Variants in FLI1 observed in about 807,000 individuals in gnomAD.
FLI1 encodes the protein Fli-1 proto-oncogene, ETS transcription factor.
FLI1 carries 13 observed loss-of-function variants against 53.1 expected under a neutral mutation model. The observed-to-expected ratio is 0.24, with a 90% CI of 0.16 to 0.39. The LOEUF (loss-of-function observed/expected upper bound fraction) is 0.39. Among genes scored for constraint, FLI1 ranks in the 10% least tolerant of loss-of-function variants. The pLI is 1.00. For missense variants in FLI1, 424 were observed against 600.5 expected (o/e 0.71, Z 3.07); for synonymous variants, 244 against 236.7 (o/e 1.03, Z -0.28).
chr11:128,789,989 C>T (rs1009586822), intron 5 of FLI1, among the ~76,000 whole-genome samples: 12 of 151,502 alleles, frequency 7.9e-5, no homozygotes. Context: ...TATGTTCTTC[C>T]TTTATGATGA....
chr11:128,720,307 A>G (rs1939199637), intron 1 of FLI1, among the ~76,000 whole-genome samples: 1 of 152,182 alleles, frequency 6.6e-6, no homozygotes, highest in Non-Finnish European at 1.5e-5. Context: ...GCTCTGGAAT[A>G]GTATATATTA....
chr11:128,715,519 C>T (rs575107560), intron 1 of FLI1, among the ~76,000 whole-genome samples: 173 of 152,262 alleles, frequency 1.1e-3, no homozygotes, highest in Non-Finnish European at 2.0e-3. Context: ...CTACCAGGAC[C>T]GAGGCTATAT....
chr11:128,729,125 T>C (rs1158757275), intron 1 of FLI1, among the ~76,000 whole-genome samples: 3 of 152,152 alleles, frequency 2.0e-5, no homozygotes, highest in African/African-American at 7.2e-5. Flanking sequence ...TGCTTTGTAA[T>C]CGGATGTGTA....
In FLI1 at chr11:128,758,298, C is replaced by G; in HGVS notation, c.202C>G (p.Arg68Gly). Residue 68 changes from arginine (R) to glycine (G), a missense_variant, in exon 2 of 9, where the codon CGG becomes GGG. Coordinates refer to ENST00000527786, the MANE Select transcript of FLI1 (RefSeq NM_002017.5). The part of the protein sequence containing the change: ...INQPVRVNVK[R>G]EYDHMNGSRE... The stretch of plus-strand genomic sequence containing the variant: ...TCAGCCAGTGAGGGTCAACGTCAAG[C>G]GGGAGTATGACCACATGAATGGATC... 6.2e-7 allele frequency: 1 copy of G among 1,613,410 alleles called. No individual in the cohort carries two copies. Among genetic ancestry groups the G allele is most frequent in the South Asian group, 1.1e-5 (1 of 90,914 alleles).
chr11:128,770,701 TA>T (rs1286138616), intron 3 of FLI1, among the ~76,000 whole-genome samples: 3 of 152,206 alleles, frequency 2.0e-5, no homozygotes, highest in Admixed American at 1.3e-4. Flanking sequence ...CCTTGGATAC[TA>T]AAAGTGAGGA....
In FLI1 at chr11:128,768,234, A is replaced by G; in HGVS notation, c.347A>G (p.Asn116Ser). 1 of 1,613,970 alleles carries G rather than the reference A, an allele frequency of 6.2e-7. No individual in the cohort carries two copies. The highest frequency in any genetic ancestry group is 8.5e-7 in the Non-Finnish European group (1 of 1,179,884). ...MDEKNGPPPP[N>S]MTTNERRVIV... ...GAGAAGAATGGCCCCCCTCCTCCCA[A>G]CATGACCACCAACGAGAGGAGAGTC... The change falls in exon 3 of 9, where the codon AAC becomes AGC. Residue 116 changes from asparagine (N) to serine (S), a missense_variant. Asn to Ser is a conservative substitution (Grantham distance 46). This residue lies in a region of FLI1 where 137 missense variants were observed against 169.1 expected (regional missense o/e 0.81). Coordinates refer to ENST00000527786, the MANE Select transcript of FLI1 (RefSeq NM_002017.5).
At chr11:128,688,546 T>C (rs1251206256) in intron 1 of FLI1, among the ~76,000 whole-genome samples, 1 of 152,096 alleles carries the variant, frequency 6.6e-6, no homozygotes, top group Non-Finnish European at 1.5e-5. Flanking sequence ...GCTCAGGAGT[T>C]GTTGACAAAC....
Position 128,812,337 on chromosome 11 carries a change from A to G in FLI1, c.*1349A>G, listed in dbSNP as rs1285322379. 1.4e-5 allele frequency: 3 copies of G among 219,876 alleles called. No homozygotes were observed. Among genetic ancestry groups the G allele is most frequent in the East Asian group, 6.7e-5 (1 of 14,956 alleles). 13.6% of individuals were successfully genotyped at this position (219,876 alleles called of 1,614,324 possible). A position where few individuals can be genotyped will look rare whatever the true frequency, so the allele number is the denominator to read the frequency against. Reference sequence around the variant, plus strand: ...CAGGTAATTGTTGACTTTTTTAACTATATTAAGTGTTAAGCTGACAACTGT... The same window carrying G: ...CAGGTAATTGTTGACTTTTTTAACTGTATTAAGTGTTAAGCTGACAACTGT... On this transcript the variant is annotated 3_prime_UTR_variant, in exon 9 of 9. Transcript: ENST00000527786.
intron 8 of FLI1, among the ~76,000 whole-genome samples, chr11:128,809,802 C>T (rs191973228): frequency 8.3e-4 from 127 of 152,286 alleles, no homozygotes; most frequent in African/African-American, 3.0e-3. Context: ...CTTCCCATCC[C>T]AGGGACTCTG....
chr11:128,696,660 G>A (rs533832800), intron 1 of FLI1, among the ~76,000 whole-genome samples: 3 of 152,262 alleles, frequency 2.0e-5, no homozygotes, highest in East Asian at 1.9e-4. Context: ...TACACTGATC[G>A]AGGTTGACGA....
intron 8 of FLI1, 116 bp downstream of exon 8, chr11:128,809,320 T>C: frequency 1.2e-6 from 1 of 824,754 alleles, no homozygotes; most frequent in Non-Finnish European, 2.1e-6. Context: ...ATGCACGTCT[T>C]TCCTTGAAAT....
chr11:128,695,583 T>A (rs1014446643), intron 1 of FLI1, among the ~76,000 whole-genome samples: 7 of 152,164 alleles, frequency 4.6e-5, no homozygotes, highest in African/African-American at 1.7e-4. Flanking sequence ...GTTTTTTTTA[T>A]GAAAGTTTGA....
intron 4 of FLI1, among the ~76,000 whole-genome samples, chr11:128,773,583 G>A (rs1456796944): frequency 1.3e-5 from 2 of 150,042 alleles, no homozygotes; most frequent in Non-Finnish European, 1.5e-5. Context: ...TGGAAAGGGC[G>A]AGCTTAAGAA....
At position 128,758,162 on chromosome 11, in the gene FLI1, G is replaced by C. The variant is rs775179408; in HGVS notation, c.66G>C (p.Ala22=). The change falls in exon 2 of 9, where the codon GCG becomes GCC. Residue 22 remains alanine, a synonymous_variant. Coordinates refer to ENST00000527786, the MANE Select transcript of FLI1 (RefSeq NM_002017.5). ...VSDDQSLFDS[A]YGAAAHLPKA... ...ACGACCAGTCCCTCTTTGACTCAGC[G>C]TACGGAGCGGCAGCCCATCTCCCCA... 2 of 1,613,328 alleles carry C rather than the reference G, an allele frequency of 1.2e-6. No individual in the cohort carries two copies. Among genetic ancestry groups the C allele is most frequent in the South Asian group, 1.1e-5 (1 of 90,950 alleles).
chr11:128,764,771 G>T (rs762105063), intron 2 of FLI1: 33 of 1,591,784 alleles, frequency 2.1e-5, no homozygotes, highest in Non-Finnish European at 2.6e-5. Flanking sequence ...AGGAGGCACG[G>T]TGCTTGGGAG....
intron 3 of FLI1, among the ~76,000 whole-genome samples, chr11:128,769,852 C>T (rs1292679938): frequency 2.0e-5 from 3 of 152,318 alleles, no homozygotes; most frequent in Admixed American, 1.3e-4. Context: ...CCAGGTGTAT[C>T]GTCTCCCTCC....
intron 1 of FLI1, among the ~76,000 whole-genome samples, chr11:128,731,989 C>A (rs936584615): frequency 1.4e-5 from 2 of 140,884 alleles, no homozygotes; most frequent in Non-Finnish European, 3.0e-5. Flanking sequence ...GTGGACAGAG[C>A]GAGACTCCAT....
rs2135844730 is a variant in FLI1, at chr11:128,772,987, T to A, written c.589+2T>A. 1 of 1,612,944 alleles carries A rather than the reference T, an allele frequency of 6.2e-7. No individual in the cohort carries two copies. Among genetic ancestry groups the A allele is most frequent in the East Asian group, 2.2e-5 (1 of 44,874 alleles). ...CACACCTCAGTTACCTCAGGGAAAG[T>A]AAGTGCCGCCCAAGTACCCAGGGCT... On this transcript the variant is annotated splice_donor_variant, in intron 4 of 8. Coordinates refer to ENST00000527786, the MANE Select transcript of FLI1 (RefSeq NM_002017.5). LOFTEE classifies it high-confidence loss of function.
At chr11:128,808,181 TATC>T (rs1253513675) in intron 7 of FLI1, among the ~76,000 whole-genome samples, 1 of 152,184 alleles carries the variant, frequency 6.6e-6, no homozygotes, top group African/African-American at 2.4e-5. Flanking sequence ...CAAAAATAAT[TATC>T]ATATTAATGA....
Sources: allele counts gnomAD v4.1 joint callset (sites outside exome capture counted in the v4.1 genomes callset), GRCh38; gene constraint gnomAD v4.1.1; regional missense constraint gnomAD v4.1.1; transcripts MANE v1.5; gene names NCBI Gene and HGNC (gene_info 2026-07-23, HGNC 2026-07-21).